Variants in NOMO3 observed in about 807,000 individuals in gnomAD.
The protein encoded by NOMO3 is BOS complex subunit NOMO3.
In NOMO3, 15 loss-of-function variants were observed where a neutral mutation model predicts 69.9. The ratio of observed to expected loss-of-function variants is 0.21; its 90% confidence interval spans 0.14 to 0.33. The LOEUF is 0.33. Among genes scored for constraint, NOMO3 ranks in the 10% least tolerant of loss-of-function variants. The pLI is 1.00. For synonymous variants in NOMO3, 89 were observed against 301.9 expected, an observed-to-expected ratio of 0.29 and a Z score of 7.31; for missense variants, 218 against 761.0, an observed-to-expected ratio of 0.29 and a Z score of 8.39.
chr16:16,256,255 A>G, intron 11 of NOMO3, 97 bp downstream of exon 11: 2 of 1,496,672 alleles, frequency 1.3e-6, no homozygotes, highest in Non-Finnish European at 1.8e-6. Context: ...GCCGAGCTTA[A>G]GAACTTAAGA....
In NOMO3 at chr16:16,241,164, T is replaced by C. The variant is rs889167367; in HGVS notation, c.301+1268T>C. 8.3e-5 allele frequency among the ~76,000 whole-genome samples: 12 copies of C among 144,824 alleles called. 1 individual carries two copies. The highest frequency in any genetic ancestry group is 1.6e-4 in the African/African-American group (6 of 36,420). ...CCCCAGAAGTCCCCATCCTGGGTGC[T>C]CATTAGCCATCCCGCCCCACCCTCC... On this transcript the variant is annotated intron_variant, in intron 3 of 30. Transcript: ENST00000399336.
intron 9 of NOMO3, among the ~76,000 whole-genome samples, chr16:16,254,881 G>A (rs1485160695): frequency 6.9e-6 from 1 of 144,342 alleles, no homozygotes; most frequent in Non-Finnish European, 1.5e-5. Flanking sequence ...ACGGGACCAC[G>A]TGTGAGCCAG....
At chr16:16,268,689 A>G (rs889572527) in intron 16 of NOMO3, among the ~76,000 whole-genome samples, 2 of 142,012 alleles carry the variant, frequency 1.4e-5, no homozygotes, top group Non-Finnish European at 3.0e-5. Flanking sequence ...ATTTGGCTCA[A>G]TAAAGAAGTG....
chr16:16,259,113 C>T (rs1308375210), intron 11 of NOMO3, among the ~76,000 whole-genome samples: 1 of 142,720 alleles, frequency 7.0e-6, no homozygotes, highest in Non-Finnish European at 1.5e-5. Context: ...AGAACACACC[C>T]ACAGGCCTGT....
rs2141248518 is a variant in NOMO3, at chr16:16,242,734, C to T, written c.302-427C>T. 1.4e-5 allele frequency among the ~76,000 whole-genome samples: 2 copies of T among 142,952 alleles called. 1 individual carries two copies. The highest frequency in any genetic ancestry group is 4.5e-4 in the South Asian group (2 of 4,470). 93.8% of individuals were successfully genotyped at this position (142,952 alleles called of 152,430 possible). A position where few individuals can be genotyped will look rare whatever the true frequency, so the allele number is the denominator to read the frequency against. On this transcript the variant is annotated intron_variant, in intron 3 of 30. Transcript: ENST00000399336. ...TAACCTTTCTGTGCCTTAATTTACC[C>T]CTCAGTAAATTGCAGCTATTACTGC...
At position 16,252,508 on chromosome 16, in the gene NOMO3, A is replaced by C; in HGVS notation, c.949A>C (p.Ser317Arg). 1 of 939,152 alleles carries C rather than the reference A, an allele frequency of 1.1e-6. No homozygotes were observed. The highest frequency in any genetic ancestry group is 1.5e-6 in the Non-Finnish European group (1 of 654,156). The allele number at this position is 939,152 out of a possible 1,614,324, so 58.2% of individuals were successfully genotyped here. ...SRLDFTVEHD[S>R]LKIEPVFHVM... ...ACTTGACTTCACAGTGGAGCATGAC[A>C]GCTTGAAAATCGAGGTAAGGCTTTT... Residue 317 changes from serine to arginine, a missense_variant, in exon 9 of 31, where the codon AGC (serine) becomes CGC (arginine). Ser to Arg is a moderately radical substitution (Grantham distance 110). Transcript: ENST00000399336.
chr16:16,263,379 C>T lies in NOMO3; in HGVS notation c.1538-134C>T, dbSNP rs1470584599. ...TGGGTACATGTTAACTTGAAAGAAGCGCTCCGTCTGCCTCCGGCCACTGCC... is the reference window on the plus strand; with the variant it reads ...TGGGTACATGTTAACTTGAAAGAAGTGCTCCGTCTGCCTCCGGCCACTGCC... On this transcript the variant is annotated intron_variant, in intron 13 of 30. Coordinates refer to ENST00000399336, the MANE Select transcript of NOMO3 (RefSeq NM_001004067.4). 2.8e-5 allele frequency: 44 copies of T among 1,565,258 alleles called. 2 individuals carry two copies. Among genetic ancestry groups the T allele is most frequent in the Middle Eastern group, 4.7e-4 (2 of 4,290 alleles).
At chr16:16,252,940 C>G (rs1292242127) in intron 9 of NOMO3, among the ~76,000 whole-genome samples, 3 of 135,552 alleles carry the variant, frequency 2.2e-5, no homozygotes, top group African/African-American at 6.6e-5. Context: ...TTCAAGTGAT[C>G]CTCCCACCTC....
Position 16,254,344 on chromosome 16 carries a change from G to A in NOMO3, c.964-1376G>A, listed in dbSNP as rs868589600. ...ATTTAGTGCCTGGCACATAGTAGGTGCCCAGCAAAAATATTTGTTGCGTAC... is the reference window on the plus strand; with the variant it reads ...ATTTAGTGCCTGGCACATAGTAGGTACCCAGCAAAAATATTTGTTGCGTAC... On this transcript the variant is annotated intron_variant, in intron 9 of 30. Transcript: ENST00000399336. Among the ~76,000 whole-genome samples, 24 of 143,366 alleles carry A rather than the reference G, an allele frequency of 1.7e-4. 1 individual carries two copies. Among genetic ancestry groups the A allele is most frequent in the Admixed American group, 2.0e-4 (3 of 14,868 alleles). 94.1% of individuals were successfully genotyped at this position (143,366 alleles called of 152,430 possible).
chr16:16,262,986 G>T, intron 12 of NOMO3, 88 bp from the exon 13 acceptor site: 1 of 1,547,112 alleles, frequency 6.5e-7, no homozygotes, highest in South Asian at 1.2e-5. Flanking sequence ...CTTTAGCCTT[G>T]GTCCCAGATG....
intron 1 of NOMO3, among the ~76,000 whole-genome samples, chr16:16,235,138 T>G (rs1159999232): frequency 6.6e-6 from 1 of 151,160 alleles, no homozygotes; most frequent in East Asian, 1.9e-4. Flanking sequence ...GTCACTGACC[T>G]CAGAGAACTT....
chr16:16,255,118 G>T lies in NOMO3; in HGVS notation c.964-602G>T, dbSNP rs533868205. Among the ~76,000 whole-genome samples the T allele has an allele frequency of 2.1e-4, 30 of 143,708 alleles. 7 individuals carry two copies. The highest frequency in any genetic ancestry group is 8.3e-4 in the African/African-American group (29 of 35,066). The allele number at this position is 143,708 out of a possible 152,430, so 94.3% of individuals were successfully genotyped here. A position where few individuals can be genotyped will look rare whatever the true frequency, so the allele number is the denominator to read the frequency against. On this transcript the variant is annotated intron_variant, in intron 9 of 30. Transcript: ENST00000399336. ...AGTGGAGACAGGGCTTCACCATGTT[G>T]GCCAGGCTGGTCTTGGACTGCTGAC...
intron 14 of NOMO3, among the ~76,000 whole-genome samples, chr16:16,264,414 A>G (rs2141259623): frequency 8.1e-5 from 1 of 12,368 alleles, no homozygotes. Flanking sequence ...GTTGAGGCTG[A>G]CAAAGCATGT....
At position 16,266,568 on chromosome 16, in the gene NOMO3, C is replaced by A. The variant is rs573901161; in HGVS notation, c.1807-476C>A. ...GAGTGCTGTGACTTCTCCAGAAACA[C>A]GTGTTGTTGGTTTTTCCTCCTCATT... On this transcript the variant is annotated intron_variant, in intron 15 of 30. Coordinates refer to ENST00000399336, the MANE Select transcript of NOMO3 (RefSeq NM_001004067.4). 80 of 344,754 alleles carry A rather than the reference C, an allele frequency of 2.3e-4. 16 individuals are homozygous for A. The highest frequency in any genetic ancestry group is 1.9e-3 in the African/African-American group (57 of 30,414). The allele number at this position is 344,754 out of a possible 1,614,324, so 21.4% of individuals were successfully genotyped here.
Position 16,259,172 on chromosome 16 carries a change from C to A in NOMO3, c.1221-2330C>A, listed in dbSNP as rs1287236037. The stretch of plus-strand genomic sequence containing the variant: ...ATTTGAGCCACTGGGTAGATGGAGG[C>A]GGTGCTGTTCACGGAGATGGAGGAA... On this transcript the variant is annotated intron_variant, in intron 11 of 30. Transcript: ENST00000399336. Among the ~76,000 whole-genome samples, 3 of 143,660 alleles carry A rather than the reference C, an allele frequency of 2.1e-5. 1 individual carries two copies. Among genetic ancestry groups the A allele is most frequent in the East Asian group, 4.5e-4 (2 of 4,420 alleles). The allele number at this position is 143,660 out of a possible 152,430, so 94.2% of individuals were successfully genotyped here. A position where few individuals can be genotyped will look rare whatever the true frequency, so the allele number is the denominator to read the frequency against.
In NOMO3 at chr16:16,244,599, C is replaced by G. The variant is rs1387276659; in HGVS notation, c.403-469C>G. Among the ~76,000 whole-genome samples the G allele has an allele frequency of 1.0e-3, 40 of 38,274 alleles. 1 individual carries two copies. Among genetic ancestry groups the G allele is most frequent in the African/African-American group, 5.7e-3 (37 of 6,548 alleles). 25.1% of individuals were successfully genotyped at this position (38,274 alleles called of 152,430 possible). ...GTGGCGCGATTGCAGCTTACTGCAA[C>G]CTCCGCCTCCTGGGTTCAAGTGATT... On this transcript the variant is annotated intron_variant, in intron 4 of 30. Coordinates refer to ENST00000399336, the MANE Select transcript of NOMO3 (RefSeq NM_001004067.4).
chr16:16,265,628 A>G, intron 15 of NOMO3, among the ~76,000 whole-genome samples: 1 of 83,360 alleles, frequency 1.2e-5, no homozygotes, highest in Non-Finnish European at 2.1e-5. Context: ...CTGCCAAGTG[A>G]GTTTCTCTGA....
chr16:16,254,209 A>G (rs2049490334), intron 9 of NOMO3, among the ~76,000 whole-genome samples: 1 of 141,060 alleles, frequency 7.1e-6, no homozygotes, highest in Non-Finnish European at 1.5e-5. Flanking sequence ...CCCAGATTAC[A>G]GCCAAATACA....
At chr16:16,243,074 T>G (rs1358415429) in intron 3 of NOMO3, 87 bp from the exon 4 acceptor site, 1 of 758,786 alleles carries the variant, frequency 1.3e-6, no homozygotes, top group African/African-American at 2.2e-5. Flanking sequence ...ATAATAAAAA[T>G]ACGTTCTACT....
Sources: allele counts gnomAD v4.1 joint callset (sites outside exome capture counted in the v4.1 genomes callset), GRCh38; gene constraint gnomAD v4.1.1; transcripts MANE v1.5; gene names NCBI Gene and HGNC (gene_info 2026-07-23, HGNC 2026-07-21).